Variants in DAAM2 observed in about 807,000 individuals in gnomAD.
DAAM2 encodes the protein dishevelled associated activator of morphogenesis 2.
Under a neutral mutation model 120.7 loss-of-function variants are expected in DAAM2, and 39 were observed. The observed-to-expected ratio is 0.32, with a 90% CI of 0.25 to 0.42. DAAM2 has a LOEUF of 0.42. Among genes scored for constraint, DAAM2 ranks in the 10% least tolerant of loss-of-function variants. The pLI, the probability that DAAM2 is intolerant of heterozygous loss-of-function variation, is 1.00. For synonymous variants in DAAM2, 488 were observed against 524.9 expected (o/e 0.93, Z 0.96); for missense variants, 1,283 against 1,401.7 (o/e 0.92, Z 1.35).
intron 6 of DAAM2, 181 bp from the exon 7 acceptor site, chr6:39,868,642 G>A (rs1454947180): frequency 1.7e-6 from 1 of 589,790 alleles, no homozygotes; most frequent in Non-Finnish European, 3.1e-6. Flanking sequence ...TGAGAGGCAA[G>A]GGAATTTTCC....
intron 15 of DAAM2, chr6:39,885,353 C>T (rs1220769182): frequency 6.7e-6 from 1 of 149,426 alleles, no homozygotes; most frequent in Non-Finnish European, 1.5e-5. Context: ...TCTTTGAGCA[C>T]TGGCTCCTGG....
intron 1 of DAAM2, among the ~76,000 whole-genome samples, chr6:39,849,282 C>T (rs536425512): frequency 6.6e-6 from 1 of 152,172 alleles, no homozygotes; most frequent in Non-Finnish European, 1.5e-5. Flanking sequence ...GAAAACAGTC[C>T]GTGGGCTGAA....
intron 1 of DAAM2, among the ~76,000 whole-genome samples, chr6:39,842,491 G>T (rs57962769): frequency 0.017 from 2,545 of 152,138 alleles, 74 homozygotes; most frequent in African/African-American, 0.058. Flanking sequence ...AAATTTGCCG[G>T]GCGTGGTGGT....
In DAAM2 at chr6:39,867,765, C is replaced by T. The variant is rs566709477; in HGVS notation, c.684C>T (p.Leu228=). 29 of 1,613,734 alleles carry T rather than the reference C, an allele frequency of 1.8e-5. No homozygotes were observed. The highest frequency in any genetic ancestry group is 8.8e-5 in the South Asian group (8 of 91,072). ...AVLEILGAVC[L]VPGGHKKVLQ... ...TGGAGATCCTGGGTGCTGTGTGCCT[C>T]GTGCCTGGTGGCCACAAGAAGGTGC... Residue 228 remains leucine, a synonymous_variant, in exon 6 of 25, where the codon CTC becomes CTT. Transcript: ENST00000274867.
intron 1 of DAAM2, among the ~76,000 whole-genome samples, chr6:39,845,463 T>TACCACACC (rs1763548322): frequency 1.1e-5 from 1 of 90,504 alleles, no homozygotes; most frequent in African/African-American, 4.3e-5. Flanking sequence ...CAAATATATG[T>TACCACACC]ACCACACCAC....
intron 1 of DAAM2, among the ~76,000 whole-genome samples, chr6:39,812,915 T>C (rs577976720): frequency 1.3e-5 from 2 of 152,216 alleles, no homozygotes; most frequent in South Asian, 4.2e-4. Context: ...AAAGTGTGTG[T>C]CACCAAGAAA....
rs1562076312 is a variant in DAAM2, at chr6:39,904,699, TC to T, written c.*2667del. ...AACTGGGGAACTGTGACTATCTATC[TC>T]CCCCGACTTCTACCAGGGATGCCTT... On this transcript the variant is annotated 3_prime_UTR_variant, in exon 25 of 25. Coordinates refer to ENST00000274867, the MANE Select transcript of DAAM2 (RefSeq NM_001201427.2). 2.2e-6 allele frequency: 1 copy of T among 453,620 alleles called. No individual in the cohort carries two copies. Among genetic ancestry groups the T allele is most frequent in the Non-Finnish European group, 4.4e-6 (1 of 226,712 alleles). 28.1% of individuals were successfully genotyped at this position (453,620 alleles called of 1,614,324 possible).
chr6:39,811,840 G>C (rs1762171270), intron 1 of DAAM2, among the ~76,000 whole-genome samples: 1 of 152,090 alleles, frequency 6.6e-6, no homozygotes, highest in South Asian at 2.1e-4. Flanking sequence ...GAGAACTCAT[G>C]GAGCTCCTTA....
chr6:39,847,094 T>C (rs1763624893), intron 1 of DAAM2, among the ~76,000 whole-genome samples: 1 of 152,202 alleles, frequency 6.6e-6, no homozygotes, highest in Non-Finnish European at 1.5e-5. Context: ...CACCTTGTAC[T>C]GCAGAAGGCA....
intron 1 of DAAM2, among the ~76,000 whole-genome samples, chr6:39,808,379 C>T (rs1242101969): frequency 1.3e-5 from 2 of 152,174 alleles, no homozygotes; most frequent in African/African-American, 4.8e-5. Flanking sequence ...ATGTCAAGTG[C>T]TTCTCATTGC....
intron 1 of DAAM2, among the ~76,000 whole-genome samples, chr6:39,845,984 G>T (rs929387471): frequency 1.3e-5 from 2 of 152,136 alleles, no homozygotes; most frequent in African/African-American, 4.8e-5. Flanking sequence ...AGGGGGAAAT[G>T]AGAGAGGTTG....
At chr6:39,816,595 A>T (rs1387068170) in intron 1 of DAAM2, among the ~76,000 whole-genome samples, 4 of 152,206 alleles carry the variant, frequency 2.6e-5, no homozygotes, top group Admixed American at 1.3e-4. Context: ...GTCTCAGCTA[A>T]ATAGTTCCTG....
chr6:39,831,766 A>AGGCAGGTGTACTGAGGG (rs1762902512), intron 1 of DAAM2, among the ~76,000 whole-genome samples: 1 of 35,528 alleles, frequency 2.8e-5, no homozygotes, highest in African/African-American at 1.3e-4. Flanking sequence ...AGCACTGGGG[A>AGGCAGGTGTACTGAGGG]GGCAGGTGTA....
intron 1 of DAAM2, among the ~76,000 whole-genome samples, chr6:39,817,160 A>G (rs947981213): frequency 2.0e-5 from 3 of 152,190 alleles, no homozygotes; most frequent in African/African-American, 7.2e-5. Flanking sequence ...AACATACACA[A>G]CAGGGAAACT....
At chr6:39,854,138 C>T (rs1763913632) in intron 1 of DAAM2, among the ~76,000 whole-genome samples, 1 of 152,194 alleles carries the variant, frequency 6.6e-6, no homozygotes, top group African/African-American at 2.4e-5. Flanking sequence ...GCTTCTCCTA[C>T]CCTCAGCCTC....
chr6:39,833,246 TTCTTTTC>T (rs1762981682), intron 1 of DAAM2, among the ~76,000 whole-genome samples: 1 of 152,168 alleles, frequency 6.6e-6, no homozygotes, highest in South Asian at 2.1e-4. Context: ...TCTTTTTCTT[TTCTTTTC>T]TCTTTTCCTT....
In DAAM2 at chr6:39,897,212, G is replaced by C. The variant is rs1766161912; in HGVS notation, c.2548G>C (p.Glu850Gln). Reference sequence around the variant, plus strand: ...GCTCCATTACCTGATCATGATCCTGGAGAAGCATTTTCCTGATATTCTAAA... The same window carrying C: ...GCTCCATTACCTGATCATGATCCTGCAGAAGCATTTTCCTGATATTCTAAA... Reference protein sequence around the residue: ...SLLHYLIMILEKHFPDILNMP... With the variant: ...SLLHYLIMILQKHFPDILNMP... Residue 850 changes from glutamate (E) to glutamine (Q), a missense_variant, in exon 21 of 25, where the codon GAG (glutamate) becomes CAG (glutamine). By Grantham distance (29) the Glu-to-Gln change is conservative (BLOSUM62 2). This residue lies in a region of DAAM2 where 748 missense variants were observed against 768.6 expected (regional missense o/e 0.97). Transcript: ENST00000274867. 1 of 1,613,770 alleles carries C rather than the reference G, an allele frequency of 6.2e-7. No individual in the cohort carries two copies. Among genetic ancestry groups the C allele is most frequent in the Non-Finnish European group, 8.5e-7 (1 of 1,179,774 alleles).
intron 1 of DAAM2, among the ~76,000 whole-genome samples, chr6:39,813,155 TGTGTGTGTGTGC>T (rs1047857983): frequency 4.3e-4 from 65 of 152,050 alleles, no homozygotes; most frequent in African/African-American, 1.5e-3. Context: ...ATTGTGTGTG[TGTGTGTGTGTGC>T]GTGTGTGTGT....
At chr6:39,819,565 C>T (rs1359426672) in intron 1 of DAAM2, 1 of 152,048 alleles carries the variant, frequency 6.6e-6, no homozygotes, top group Non-Finnish European at 1.5e-5. Context: ...GTGCTAGGTG[C>T]TAGGGACAGA....
Sources: gnomAD v4.1 joint callset for allele counts (sites outside exome capture counted in the v4.1 genomes callset) on GRCh38, gnomAD v4.1.1 for gene constraint, gnomAD v4.1.1 regional missense constraint, MANE v1.5 for transcripts, NCBI Gene and HGNC (gene_info 2026-07-23, HGNC 2026-07-21) for gene names.